Variants in SCX observed in about 807,000 individuals in gnomAD.
The protein encoded by SCX is scleraxis bHLH transcription factor.
SCX carries 7 observed loss-of-function variants against 12.2 expected under a neutral mutation model. That is an observed-to-expected ratio of 0.57 (90% confidence interval 0.33 to 1.08). The LOEUF is 1.08. Among genes scored for constraint, SCX ranks in the 50% least tolerant of loss-of-function variants. The pLI is 0.04. For synonymous variants in SCX, 193 were observed against 163.9 expected, an observed-to-expected ratio of 1.18 and a Z score of -1.36; for missense variants, 342 against 337.2, an observed-to-expected ratio of 1.01 and a Z score of -0.11.
rs1471071494 is a variant in SCX at position 144,266,858 on chromosome 8, C to G, written c.245C>G (p.Ala82Gly). The change falls in exon 1 of 2, where the codon GCG becomes GGG. Residue 82 changes from alanine to glycine, a missense_variant. This residue lies in a region of SCX where 42 missense variants were observed against 73.7 expected (regional missense o/e 0.57). Transcript: ENST00000567180. ...CCCCGGCAGCGGCACACGGCGAACGCGCGCGAGCGAGACCGCACCAACAGC... is the reference window on the plus strand; with the variant it reads ...CCCCGGCAGCGGCACACGGCGAACGGGCGCGAGCGAGACCGCACCAACAGC... The part of the protein sequence containing the change: ...REPRQRHTAN[A>G]RERDRTNSVN... 4 of 1,416,112 alleles carry G rather than the reference C, an allele frequency of 2.8e-6. No homozygotes were observed. Among genetic ancestry groups the G allele is most frequent in the Non-Finnish European group, 3.7e-6 (4 of 1,078,188 alleles). 87.7% of individuals were successfully genotyped at this position (1,416,112 alleles called of 1,614,324 possible).
At position 144,267,150 on chromosome 8, in the gene SCX, C is replaced by T; in HGVS notation, c.537C>T (p.Cys179=). 1.3e-6 allele frequency: 2 copies of T among 1,532,052 alleles called. No individual in the cohort carries two copies. Among genetic ancestry groups the T allele is most frequent in the Non-Finnish European group, 1.7e-6 (2 of 1,150,416 alleles). 94.9% of individuals were successfully genotyped at this position (1,532,052 alleles called of 1,614,324 possible). ...DGENTQPKQI[C]TFCLSNQRKL... ...AGAACACCCAGCCCAAACAGATCTG[C>T]ACCTTCTGCCTCAGCAACCAGAGAA... is the stretch of plus-strand genomic sequence containing the variant. Residue 179 remains cysteine (C), a synonymous_variant, in exon 1 of 2, where the codon TGC becomes TGT. Coordinates refer to ENST00000567180, the MANE Select transcript of SCX (RefSeq NM_001080514.3).
Position 144,266,694 on chromosome 8 carries a change from C to A in SCX, c.81C>A (p.Asp27Glu). 12 of 1,240,024 alleles carry A rather than the reference C, an allele frequency of 9.7e-6. No individual in the cohort carries two copies. Among genetic ancestry groups the A allele is most frequent in the Non-Finnish European group, 1.2e-5 (12 of 972,422 alleles). The allele number at this position is 1,240,024 out of a possible 1,614,324, so 76.8% of individuals were successfully genotyped here. ...TGAGCCCGCTGTCGGAGGACGAGGACCGCGGCAGCGACAGCTCGGGCTCCG... is the reference window on the plus strand; with the variant it reads ...TGAGCCCGCTGTCGGAGGACGAGGAACGCGGCAGCGACAGCTCGGGCTCCG... Reference protein sequence around the residue: ...PEVSPLSEDEDRGSDSSGSDE... With the variant: ...PEVSPLSEDEERGSDSSGSDE... Residue 27 changes from aspartate to glutamate, a missense_variant, in exon 1 of 2, where the codon GAC (aspartate) becomes GAA (glutamate). Physicochemically the swap from Asp to Glu is conservative, Grantham distance 45. Around this residue, in one of 3 missense-constraint regions of SCX, gnomAD observed 139 missense variants for 107.8 expected, o/e 1.29. Coordinates refer to ENST00000567180, the MANE Select transcript of SCX (RefSeq NM_001080514.3).
At chr8:144,267,330 G>A in intron 1 of SCX, 150 bp downstream of exon 1, 4 of 984,216 alleles carry the variant, frequency 4.1e-6, no homozygotes, top group Non-Finnish European at 4.0e-6. Context: ...GGGGGCTGGG[G>A]CCTTCTCCTG....
Position 144,267,906 on chromosome 8 carries a change from C to G in SCX, c.568-198C>G, listed in dbSNP as rs1259433285. On this transcript the variant is annotated intron_variant, in intron 1 of 1. Transcript: ENST00000567180. ...GCGCGAGCTCCTGGGGCCTGAACAT[C>G]TGGGAAATTTAATTTTACAATTTCG... Among the ~76,000 whole-genome samples the G allele has an allele frequency of 5.9e-5, 9 of 152,362 alleles. No individual in the cohort carries two copies. In the East Asian group the frequency reaches 7.7e-4, roughly 13 times the overall value.
Position 144,267,083 on chromosome 8 carries a change from GC to G in SCX, c.476del (p.Pro159ArgfsTer31). 1 of 1,369,684 alleles carries G rather than the reference GC, an allele frequency of 7.3e-7. No homozygotes were observed. The highest frequency in any genetic ancestry group is 9.3e-7 in the Non-Finnish European group (1 of 1,069,936). The allele number at this position is 1,369,684 out of a possible 1,614,324, so 84.8% of individuals were successfully genotyped here. A position where few individuals can be genotyped will look rare whatever the true frequency, so the allele number is the denominator to read the frequency against. Reference sequence around the variant, plus strand: ...TTCTTCCACGCGGCGCGCGCCGGCAGCCCCCCGCCGCCGCCCCCGCCGCCTC... The same window carrying G: ...TTCTTCCACGCGGCGCGCGCCGGCAGCCCCCGCCGCCGCCCCCGCCGCCTC... ...PAFFHAARAG[S>X]PPPPPPPPPA... On this transcript the variant is annotated frameshift_variant, in exon 1 of 2. Coordinates refer to ENST00000567180, the MANE Select transcript of SCX (RefSeq NM_001080514.3). LOFTEE classifies it high-confidence loss of function.
At position 144,268,362 on chromosome 8, in the gene SCX, C is replaced by G. The variant is rs1845430230; in HGVS notation, c.*220C>G. The G allele has an allele frequency of 8.2e-6, 5 of 610,094 alleles. No homozygotes were observed. In the South Asian group the frequency reaches 1.0e-4, roughly 12 times the overall value. The allele number at this position is 610,094 out of a possible 1,614,324, so 37.8% of individuals were successfully genotyped here. A position where few individuals can be genotyped will look rare whatever the true frequency, so the allele number is the denominator to read the frequency against. Reference sequence around the variant, plus strand: ...TGGCCCCAGCACCTGCCCGGGCCCACTGGAACTTTCTGCGCTGGCTTTTCT... The same window carrying G: ...TGGCCCCAGCACCTGCCCGGGCCCAGTGGAACTTTCTGCGCTGGCTTTTCT... On this transcript the variant is annotated 3_prime_UTR_variant, in exon 2 of 2. Transcript: ENST00000567180.
rs1270497573 is a variant in SCX, at chr8:144,266,496, C to G, written c.-118C>G. The G allele has an allele frequency of 7.1e-6, 7 of 986,934 alleles. No homozygotes were observed. Among genetic ancestry groups the G allele is most frequent in the African/African-American group, 1.8e-5 (1 of 56,892 alleles). 61.1% of individuals were successfully genotyped at this position (986,934 alleles called of 1,614,324 possible). A position where few individuals can be genotyped will look rare whatever the true frequency, so the allele number is the denominator to read the frequency against. On this transcript the variant is annotated 5_prime_UTR_variant, in exon 1 of 2. Transcript: ENST00000567180. ...GCGCGCGACGCCCGGCAGCTGCCAC[C>G]GCGGGGCGCAGCCGAGACCCCGCGC...
intron 1 of SCX, among the ~76,000 whole-genome samples, chr8:144,267,457 G>A (rs1033706168): frequency 6.6e-6 from 1 of 152,258 alleles, no homozygotes; most frequent in African/African-American, 2.4e-5. Context: ...CACCCAGGGC[G>A]GGGAGGCTGG....
In SCX at chr8:144,266,482, C is replaced by G; in HGVS notation, c.-132C>G. 1.0e-6 allele frequency: 1 copy of G among 985,354 alleles called. No homozygotes were observed. The allele number at this position is 985,354 out of a possible 1,614,324, so 61.0% of individuals were successfully genotyped here. The stretch of plus-strand genomic sequence containing the variant: ...CGGGACGCACATGTGCGCGCGACGC[C>G]CGGCAGCTGCCACCGCGGGGCGCAG... On this transcript the variant is annotated 5_prime_UTR_variant, in exon 1 of 2. Transcript: ENST00000567180.
chr8:144,267,076 G>C lies in SCX; in HGVS notation c.463G>C (p.Ala155Pro). ...GCCCGCCTTCTTCCACGCGGCGCGC[G>C]CCGGCAGCCCCCCGCCGCCGCCCCC... ...SGPAFFHAAR[A>P]GSPPPPPPPP... Residue 155 changes from alanine (A) to proline (P), a missense_variant, in exon 1 of 2, where the codon GCC (alanine) becomes CCC (proline). This residue lies in a region of SCX where 161 missense variants were observed against 155.7 expected (regional missense o/e 1.03). Coordinates refer to ENST00000567180, the MANE Select transcript of SCX (RefSeq NM_001080514.3). 1 of 1,404,534 alleles carries C rather than the reference G, an allele frequency of 7.1e-7. No homozygotes were observed. The highest frequency in any genetic ancestry group is 3.1e-5 in the East Asian group (1 of 32,170). 87.0% of individuals were successfully genotyped at this position (1,404,534 alleles called of 1,614,324 possible). A position where few individuals can be genotyped will look rare whatever the true frequency, so the allele number is the denominator to read the frequency against.
chr8:144,268,433 T>C lies in SCX; in HGVS notation c.*291T>C, dbSNP rs1588593196. 1 of 561,452 alleles carries C rather than the reference T, an allele frequency of 1.8e-6. No individual in the cohort carries two copies. The highest frequency in any genetic ancestry group is 2.3e-5 in the South Asian group (1 of 43,938). The allele number at this position is 561,452 out of a possible 1,614,324, so 34.8% of individuals were successfully genotyped here. A position where few individuals can be genotyped will look rare whatever the true frequency, so the allele number is the denominator to read the frequency against. ...ATCTTGTGTTTTTGATATGATAATATAAAGTCTGAAAATTTTGTATAATTA... is the reference window on the plus strand; with the variant it reads ...ATCTTGTGTTTTTGATATGATAATACAAAGTCTGAAAATTTTGTATAATTA... On this transcript the variant is annotated 3_prime_UTR_variant, in exon 2 of 2. Transcript: ENST00000567180.
In SCX at chr8:144,267,115, C is replaced by T. The variant is rs2130211262; in HGVS notation, c.502C>T (p.Arg168Cys). Residue 168 changes from arginine to cysteine, a missense_variant, in exon 1 of 2, where the codon CGC becomes TGC. Arg to Cys is a radical substitution (Grantham distance 180, BLOSUM62 -3). Transcript: ENST00000567180. Reference protein sequence around the residue: ...PPPPPPPPPARDGENTQPKQI... With the variant: ...PPPPPPPPPACDGENTQPKQI... ...GCCGCCGCCCCCGCCGCCTCCCGCCCGCGACGGCGAGAACACCCAGCCCAA... is the reference window on the plus strand; with the variant it reads ...GCCGCCGCCCCCGCCGCCTCCCGCCTGCGACGGCGAGAACACCCAGCCCAA... The T allele has an allele frequency of 2.0e-6, 3 of 1,472,886 alleles. No individual in the cohort carries two copies. The highest frequency in any genetic ancestry group is 5.5e-5 in the East Asian group (2 of 36,108). The allele number at this position is 1,472,886 out of a possible 1,614,324, so 91.2% of individuals were successfully genotyped here.
At chr8:144,267,567 G>C (rs1230228662) in intron 1 of SCX, among the ~76,000 whole-genome samples, 10 of 152,280 alleles carry the variant, frequency 6.6e-5, no homozygotes, top group African/African-American at 2.4e-4. Context: ...AGGCAAGAGA[G>C]GAAGGACCCC....
chr8:144,267,354 G>GGGA (rs1653262307), intron 1 of SCX, among the ~76,000 whole-genome samples, 174 bp downstream of exon 1: 1 of 151,946 alleles, frequency 6.6e-6, no homozygotes, highest in Non-Finnish European at 1.5e-5. Context: ...CTCCTCTCCA[G>GGGA]GGCGTCCCTA....
intron 1 of SCX, 137 bp from the exon 2 acceptor site, chr8:144,267,967 T>C (rs1247053874): frequency 1.5e-6 from 2 of 1,349,556 alleles, no homozygotes; most frequent in African/African-American, 2.9e-5. Flanking sequence ...CCAAAACGCT[T>C]GAGGGAAGCT....
chr8:144,267,632 G>A (rs1022988550), intron 1 of SCX, among the ~76,000 whole-genome samples: 5 of 152,240 alleles, frequency 3.3e-5, no homozygotes, highest in Non-Finnish European at 5.9e-5. Flanking sequence ...GGCACCTGCT[G>A]TCCGTCCCCC....
In SCX at chr8:144,267,070, G is replaced by T; in HGVS notation, c.457G>T (p.Ala153Ser). Residue 153 changes from alanine to serine, a missense_variant, in exon 1 of 2, where the codon GCG becomes TCG. This residue lies in a region of SCX where 161 missense variants were observed against 155.7 expected (regional missense o/e 1.03). Coordinates refer to ENST00000567180, the MANE Select transcript of SCX (RefSeq NM_001080514.3). The stretch of plus-strand genomic sequence containing the variant: ...CTCCGGGCCCGCCTTCTTCCACGCG[G>T]CGCGCGCCGGCAGCCCCCCGCCGCC... ...CHSGPAFFHAARAGSPPPPPP... is the reference protein window; with the variant it reads ...CHSGPAFFHASRAGSPPPPPP... 1 of 1,411,352 alleles carries T rather than the reference G, an allele frequency of 7.1e-7. No individual in the cohort carries two copies. The highest frequency in any genetic ancestry group is 1.5e-5 in the South Asian group (1 of 67,130). 87.4% of individuals were successfully genotyped at this position (1,411,352 alleles called of 1,614,324 possible).
At chr8:144,267,548 G>A (rs1845404581) in intron 1 of SCX, among the ~76,000 whole-genome samples, 1 of 152,250 alleles carries the variant, frequency 6.6e-6, no homozygotes, top group African/African-American at 2.4e-5. Flanking sequence ...CAGAAAGTAA[G>A]AGGCTGCAAG....
In SCX at chr8:144,266,664, C is replaced by T. The variant is rs1845374876; in HGVS notation, c.51C>T (p.Pro17=). The change falls in exon 1 of 2, where the codon CCC becomes CCT. Residue 17 remains proline (P), a synonymous_variant. Coordinates refer to ENST00000567180, the MANE Select transcript of SCX (RefSeq NM_001080514.3). The stretch of plus-strand genomic sequence containing the variant: ...CGCCGCCGGGCCGCTACCTGTACCC[C>T]GAGGTGAGCCCGCTGTCGGAGGACG... The part of the protein sequence containing the change: ...RPAPPGRYLY[P]EVSPLSEDED... 2 of 1,258,490 alleles carry T rather than the reference C, an allele frequency of 1.6e-6. No homozygotes were observed. The highest frequency in any genetic ancestry group is 1.0e-6 in the Non-Finnish European group (1 of 982,122). 78.0% of individuals were successfully genotyped at this position (1,258,490 alleles called of 1,614,324 possible).
Sources: gnomAD v4.1 joint callset for allele counts (sites outside exome capture counted in the v4.1 genomes callset) on GRCh38, gnomAD v4.1.1 for gene constraint, gnomAD v4.1.1 regional missense constraint, MANE v1.5 for transcripts, NCBI Gene and HGNC (gene_info 2026-07-23, HGNC 2026-07-21) for gene names.